BCKDHB: variants seen among roughly 807,000 people sequenced by gnomAD.
The protein encoded by BCKDHB is branched chain keto acid dehydrogenase E1 subunit beta, also known as 2-oxoisovalerate dehydrogenase subunit beta, mitochondrial.
In BCKDHB, 41 loss-of-function variants were observed where a neutral mutation model predicts 48.5. The observed-to-expected ratio is 0.85, with a 90% CI of 0.66 to 1.10. BCKDHB has a LOEUF of 1.10. Among genes scored for constraint, BCKDHB ranks in the 50% least tolerant of loss-of-function variants. The pLI, the probability that BCKDHB is intolerant of heterozygous loss-of-function variation, is 0.00. For synonymous variants in BCKDHB, 201 were observed against 174.8 expected (o/e 1.15, Z -1.18); for missense variants, 496 against 494.2 (o/e 1.00, Z -0.03).
the BCKDHB span, among the ~76,000 whole-genome samples, chr6:80,458,392 C>T: frequency 0.099 from 15,098 of 152,176 alleles, 2,279 homozygotes; most frequent in African/African-American, 0.33. Flanking sequence ...AATTTGTCCA[C>T]GTGTATGAAT....
the BCKDHB span, chr6:80,463,139 CAAACATATTTCGA>C: frequency 6.6e-6 from 1 of 152,146 alleles, no homozygotes; most frequent in Non-Finnish European, 1.5e-5. Flanking sequence ...TAAGTAAGTG[CAAACATATTTCGA>C]ATTATCTGTT....
chr6:80,259,635 TC>T (rs1057228766), intron 8 of BCKDHB, among the ~76,000 whole-genome samples: 10 of 152,208 alleles, frequency 6.6e-5, no homozygotes, highest in African/African-American at 2.4e-4. Context: ...TATTTGGGTC[TC>T]CAGGTAGCCA....
intron 8 of BCKDHB, among the ~76,000 whole-genome samples, chr6:80,230,783 A>T (rs1475805201): frequency 1.3e-5 from 2 of 152,144 alleles, no homozygotes; most frequent in Non-Finnish European, 2.9e-5. Flanking sequence ...CAAGAGAGAG[A>T]AGGAAGGGGG....
At chr6:80,350,401 T>C (rs1408939237), downstream of BCKDHB, among the ~76,000 whole-genome samples, 4 of 152,256 alleles carry the variant, frequency 2.6e-5, no homozygotes, top group East Asian at 7.7e-4. Flanking sequence ...GGTTTTTTTT[T>C]TCCATTTTAC....
At chr6:80,364,409 A>AGG in the BCKDHB span, among the ~76,000 whole-genome samples, 17 of 152,130 alleles carry the variant, frequency 1.1e-4, no homozygotes, top group African/African-American at 4.1e-4. Context: ...CGGGAGGGAG[A>AGG]GGGAGGAGAT....
At chr6:80,389,107 G>A in the BCKDHB span, among the ~76,000 whole-genome samples, 2 of 152,204 alleles carry the variant, frequency 1.3e-5, no homozygotes, top group African/African-American at 4.8e-5. Context: ...TATCCCATGT[G>A]AGTGCTCACC....
the BCKDHB span, among the ~76,000 whole-genome samples, chr6:80,357,164 C>T: frequency 4.0e-5 from 6 of 151,838 alleles, no homozygotes; most frequent in Admixed American, 6.6e-5. Context: ...AAGGTATGGG[C>T]GGATTAAGGG....
chr6:80,310,407 C>G (rs1031545478), intron 9 of BCKDHB, among the ~76,000 whole-genome samples: 5 of 152,190 alleles, frequency 3.3e-5, no homozygotes, highest in African/African-American at 4.8e-5. Flanking sequence ...CCAGCTCCAT[C>G]CATGTCCCTG....
intron 8 of BCKDHB, among the ~76,000 whole-genome samples, chr6:80,247,297 A>G (rs951664569): frequency 5.3e-5 from 8 of 152,256 alleles, no homozygotes; most frequent in African/African-American, 1.9e-4. Context: ...GGGTAAAGCA[A>G]CAAGATTAGT....
At chr6:80,226,033 T>C (rs1231882039) in intron 8 of BCKDHB, among the ~76,000 whole-genome samples, 1 of 152,234 alleles carries the variant, frequency 6.6e-6, no homozygotes, top group African/African-American at 2.4e-5. Context: ...CTCTTAATCC[T>C]TAATCCTTTG....
chr6:80,132,410 C>T (rs553676258), intron 3 of BCKDHB, among the ~76,000 whole-genome samples: 9 of 152,258 alleles, frequency 5.9e-5, no homozygotes, highest in East Asian at 5.8e-4. Flanking sequence ...TTATGAAGTG[C>T]GTGCTGTTGA....
intron 9 of BCKDHB, among the ~76,000 whole-genome samples, chr6:80,337,007 G>A (rs1165906002): frequency 6.6e-6 from 1 of 151,976 alleles, no homozygotes; most frequent in Admixed American, 6.5e-5. Flanking sequence ...TAGCTTAAAT[G>A]AAAAATAATA....
At chr6:80,109,177 T>G (rs888358502) in intron 1 of BCKDHB, among the ~76,000 whole-genome samples, 8 of 152,204 alleles carry the variant, frequency 5.3e-5, no homozygotes, top group African/African-American at 1.9e-4. Context: ...TTGGAGTTAC[T>G]ACTTATCCTC....
intron 8 of BCKDHB, among the ~76,000 whole-genome samples, chr6:80,265,596 A>C (rs1777480270): frequency 6.6e-6 from 1 of 152,080 alleles, no homozygotes. Flanking sequence ...TTGCTAGGGA[A>C]GATAGATAAG....
intron 1 of BCKDHB, among the ~76,000 whole-genome samples, chr6:80,122,211 C>T (rs1163243491): frequency 2.0e-5 from 3 of 152,156 alleles, no homozygotes; most frequent in Non-Finnish European, 4.4e-5. Context: ...TTGACTTGAT[C>T]GTGGTGGATA....
intron 8 of BCKDHB, among the ~76,000 whole-genome samples, chr6:80,215,868 A>C (rs1003371851): frequency 2.0e-5 from 3 of 152,122 alleles, no homozygotes; most frequent in African/African-American, 7.2e-5. Context: ...CAGCCTCCTG[A>C]GTAGCTGGAA....
At chr6:80,403,088 A>G in the BCKDHB span, among the ~76,000 whole-genome samples, 13 of 151,646 alleles carry the variant, frequency 8.6e-5, no homozygotes, top group African/African-American at 2.9e-4. Flanking sequence ...GCTATTCTGT[A>G]TCTTTTGTGA....
chr6:80,458,885 C>G, the BCKDHB span, among the ~76,000 whole-genome samples: 1 of 152,076 alleles, frequency 6.6e-6, no homozygotes, highest in Non-Finnish European at 1.5e-5. Flanking sequence ...ATATCAGTGT[C>G]ACTAATCATC....
the BCKDHB span, among the ~76,000 whole-genome samples, chr6:80,447,248 C>T: frequency 4.6e-5 from 7 of 152,054 alleles, no homozygotes; most frequent in African/African-American, 1.7e-4. Context: ...TTATTATATA[C>T]TGTTACTGTG....
Sources: gnomAD v4.1 joint callset for allele counts (sites outside exome capture counted in the v4.1 genomes callset) on GRCh38, gnomAD v4.1.1 for gene constraint, MANE v1.5 for transcripts, NCBI Gene and HGNC (gene_info 2026-07-23, HGNC 2026-07-21) for gene names.